The following ATP8A2 variants were observed in gnomAD, a reference collection of about 807,000 sequenced individuals.
ATP8A2 encodes the protein phospholipid-transporting ATPase IB.
A neutral mutation model predicts 165.6 loss-of-function variants in ATP8A2; 100 were observed. The observed-to-expected ratio is 0.60, with a 90% confidence interval of 0.51 to 0.71. The LOEUF (loss-of-function observed/expected upper bound fraction) is 0.71. Among genes scored for constraint, ATP8A2 ranks in the 30% least tolerant of loss-of-function variants. The pLI is 0.00. For synonymous variants in ATP8A2, 543 were observed against 548.8 expected (o/e 0.99, Z 0.15); for missense variants, 1,227 against 1,479.5 (o/e 0.83, Z 2.80).
Position 25,559,588 on chromosome 13 carries a change from T to C in ATP8A2, c.1353-133T>C, listed in dbSNP as rs370587240. 3.7e-4 allele frequency: 267 copies of C among 718,178 alleles called. 6 individuals carry two copies. In the South Asian group the frequency reaches 4.4e-3, roughly 12 times the overall value. 44.5% of individuals were successfully genotyped at this position (718,178 alleles called of 1,614,324 possible). ...AAAAAAAGTGGTTTATTTCTGCAAA[T>C]ATTAACTTGGTAAGAAGTCCCTGAG... On this transcript the variant is annotated intron_variant, in intron 14 of 36. Coordinates refer to ENST00000381655, the MANE Select transcript of ATP8A2 (RefSeq NM_016529.6).
At chr13:25,540,954 C>T (rs1487411894) in intron 8 of ATP8A2, among the ~76,000 whole-genome samples, 4 of 151,700 alleles carry the variant, frequency 2.6e-5, no homozygotes, top group East Asian at 1.9e-4. Context: ...CTCTGCCTCC[C>T]GGGTTCAAGC....
chr13:25,923,107 G>T (rs1444227662), intron 33 of ATP8A2, among the ~76,000 whole-genome samples: 1 of 152,154 alleles, frequency 6.6e-6, no homozygotes, highest in Non-Finnish European at 1.5e-5. Flanking sequence ...ACATGTCTTA[G>T]TAGGAACACA....
At chr13:25,462,013 G>C (rs1047970310) in intron 1 of ATP8A2, among the ~76,000 whole-genome samples, 5 of 152,164 alleles carry the variant, frequency 3.3e-5, no homozygotes, top group African/African-American at 1.2e-4. Flanking sequence ...AGGAAACCAA[G>C]GCTCAGATGG....
chr13:25,463,046 G>A (rs2035545923), intron 1 of ATP8A2, among the ~76,000 whole-genome samples: 1 of 151,948 alleles, frequency 6.6e-6, no homozygotes, highest in Non-Finnish European at 1.5e-5. Flanking sequence ...GGTGGCCTGT[G>A]TGACTGGCGT....
chr13:25,880,377 C>CAAAAAA (rs10641772), intron 33 of ATP8A2, among the ~76,000 whole-genome samples: 1 of 91,628 alleles, frequency 1.1e-5, no homozygotes, highest in African/African-American at 3.6e-5. Context: ...TCAGGAACAA[C>CAAAAAA]AAAAAAAAAA....
intron 24 of ATP8A2, among the ~76,000 whole-genome samples, chr13:25,640,762 GC>G (rs1178920524): frequency 1.3e-5 from 2 of 152,164 alleles, no homozygotes; most frequent in African/African-American, 4.8e-5. Flanking sequence ...TATGAGGCCA[GC>G]ATCATCCTGA....
chr13:25,986,395 C>T (rs998442454), intron 35 of ATP8A2, among the ~76,000 whole-genome samples: 1 of 152,232 alleles, frequency 6.6e-6, no homozygotes, highest in African/African-American at 2.4e-5. Flanking sequence ...GGTAACCACC[C>T]TTCTTCTCTT....
chr13:25,896,641 T>C (rs1418170564), intron 33 of ATP8A2, among the ~76,000 whole-genome samples: 2 of 152,208 alleles, frequency 1.3e-5, no homozygotes, highest in African/African-American at 4.8e-5. Flanking sequence ...GGTGTTAAAG[T>C]CTCCCATTAT....
intron 33 of ATP8A2, chr13:25,867,860 T>G (rs959202693): frequency 4.7e-6 from 1 of 212,648 alleles, no homozygotes; most frequent in Non-Finnish European, 9.9e-6. Context: ...AGAATCCTAC[T>G]ATAGCCTGAA....
chr13:26,016,206 A>G (rs562709372), intron 36 of ATP8A2, among the ~76,000 whole-genome samples: 1 of 152,358 alleles, frequency 6.6e-6, no homozygotes, highest in Non-Finnish European at 1.5e-5. Flanking sequence ...AGAAAGTCTT[A>G]GCGTACAACA....
chr13:25,935,624 G>C (rs1004364675), intron 33 of ATP8A2, among the ~76,000 whole-genome samples: 14 of 152,174 alleles, frequency 9.2e-5, no homozygotes, highest in Non-Finnish European at 1.8e-4. Context: ...TATATCACAT[G>C]CAAGGGAGAG....
intron 22 of ATP8A2, among the ~76,000 whole-genome samples, chr13:25,580,245 C>A (rs535707388): frequency 1.2e-4 from 18 of 152,194 alleles, no homozygotes; most frequent in African/African-American, 4.3e-4. Flanking sequence ...GATTAACTCA[C>A]GCTGTTGAGT....
intron 1 of ATP8A2, among the ~76,000 whole-genome samples, chr13:25,392,559 T>TAAG (rs2033284763): frequency 1.3e-5 from 2 of 152,172 alleles, no homozygotes; most frequent in Non-Finnish European, 2.9e-5. Flanking sequence ...AGAAAAGAAA[T>TAAG]CAGAAGGCTT....
intron 10 of ATP8A2, among the ~76,000 whole-genome samples, chr13:25,545,809 A>AT (rs1379671061): frequency 6.6e-6 from 1 of 151,870 alleles, no homozygotes; most frequent in African/African-American, 2.4e-5. Context: ...TAATTTTTGT[A>AT]TTTTTTGTAG....
intron 24 of ATP8A2, among the ~76,000 whole-genome samples, chr13:25,687,152 G>A (rs958900431): frequency 1.3e-4 from 20 of 152,140 alleles, no homozygotes; most frequent in African/African-American, 4.3e-4. Flanking sequence ...CTCTGGCCGG[G>A]GTCAGGAGTT....
At chr13:25,844,906 A>G (rs1460374422) in intron 30 of ATP8A2, among the ~76,000 whole-genome samples, 1 of 152,232 alleles carries the variant, frequency 6.6e-6, no homozygotes, top group Non-Finnish European at 1.5e-5. Flanking sequence ...TGGGCAAGGC[A>G]ACAGAAGCAC....
intron 33 of ATP8A2, among the ~76,000 whole-genome samples, chr13:25,901,423 A>G (rs1453562436): frequency 6.6e-6 from 1 of 151,408 alleles, no homozygotes; most frequent in Non-Finnish European, 1.5e-5. Context: ...AAAAAAAACC[A>G]CATGTTACTT....
chr13:25,703,141 G>T (rs1448480113), intron 25 of ATP8A2, among the ~76,000 whole-genome samples: 1 of 152,056 alleles, frequency 6.6e-6, no homozygotes, highest in Non-Finnish European at 1.5e-5. Context: ...GTGCAGTGGC[G>T]CTATCTCAGC....
At chr13:25,911,355 C>G (rs1954100712) in intron 33 of ATP8A2, among the ~76,000 whole-genome samples, 1 of 152,148 alleles carries the variant, frequency 6.6e-6, no homozygotes, top group Admixed American at 6.5e-5. Context: ...CTCCATAATA[C>G]AGCATGGCAC....
Sources: gnomAD v4.1 joint callset for allele counts (sites outside exome capture counted in the v4.1 genomes callset) on GRCh38, gnomAD v4.1.1 for gene constraint, MANE v1.5 for transcripts, NCBI Gene and HGNC (gene_info 2026-07-23, HGNC 2026-07-21) for gene names.